RP1L1: variants seen among roughly 807,000 people sequenced by gnomAD.
RP1L1 encodes the protein retinitis pigmentosa 1-like 1 protein.
A neutral mutation model predicts 15.7 loss-of-function variants in RP1L1; 27 were observed. The observed-to-expected ratio is 1.72, with a 90% confidence interval of 1.27 to 2.38. The LOEUF (loss-of-function observed/expected upper bound fraction) is 2.38. Among genes scored for constraint, RP1L1 ranks in the 30% most tolerant of loss-of-function variants. The pLI is 0.00. For missense variants in RP1L1, 4,798 were observed against 3,075.9 expected, an observed-to-expected ratio of 1.56 and a Z score of -13.24; for synonymous variants, 1,813 against 1,276.7, an observed-to-expected ratio of 1.42 and a Z score of -8.96.
chr8:10,613,874 T>C (rs1015912844), intron 3 of RP1L1, among the ~76,000 whole-genome samples: 1 of 152,168 alleles, frequency 6.6e-6, no homozygotes, highest in Non-Finnish European at 1.5e-5. Flanking sequence ...GAACTGGCAT[T>C]GTCTAACAAG....
At chr8:10,617,966 C>T (rs1797998070) in intron 2 of RP1L1, among the ~76,000 whole-genome samples, 1 of 152,184 alleles carries the variant, frequency 6.6e-6, no homozygotes, top group African/African-American at 2.4e-5. Flanking sequence ...GACCTCGTCT[C>T]ATTTGTCTGT....
Position 10,611,396 on chromosome 8 carries a change from G to C in RP1L1, c.2702C>G (p.Pro901Arg), listed in dbSNP as rs569496838. 1.2e-6 allele frequency: 2 copies of C among 1,603,482 alleles called. No homozygotes were observed. Among genetic ancestry groups the C allele is most frequent in the African/African-American group, 2.7e-5 (2 of 74,884 alleles). ...GTRQPGPTPS[P>R]GPNSGASRRS... ...CCTTGATGCCCCTGAATTGGGGCCTGGGGACGGCGTGGGGCCTGGCTGGCG... is the reference window on the plus strand; with the variant it reads ...CCTTGATGCCCCTGAATTGGGGCCTCGGGACGGCGTGGGGCCTGGCTGGCG... The change falls in exon 4 of 4, where the codon CCA becomes CGA. Residue 901 changes from proline (P) to arginine (R), a missense_variant. Physicochemically the swap from Pro to Arg is moderately radical, Grantham distance 103. Transcript: ENST00000382483.
intron 1 of RP1L1, among the ~76,000 whole-genome samples, chr8:10,631,342 CACGCACACACAT>C (rs746066518): frequency 0.021 from 1,414 of 68,436 alleles, 57 homozygotes; most frequent in East Asian, 0.12. Flanking sequence ...CATGCACACA[CACGCACACACAT>C]GCACACAAAC....
At chr8:10,646,491 G>A (rs1398943325) in intron 1 of RP1L1, among the ~76,000 whole-genome samples, 3 of 152,162 alleles carry the variant, frequency 2.0e-5, no homozygotes, top group Non-Finnish European at 4.4e-5. Flanking sequence ...AGAGGATGGA[G>A]CCAGAGAAAA....
chr8:10,654,545 C>G (rs1282787246), intron 1 of RP1L1, among the ~76,000 whole-genome samples: 1 of 152,134 alleles, frequency 6.6e-6, no homozygotes, highest in Non-Finnish European at 1.5e-5. Context: ...CCAAGAGCCC[C>G]AAGAAATCCT....
Position 10,610,448 on chromosome 8 carries a change from C to G in RP1L1, c.3650G>C (p.Cys1217Ser), listed in dbSNP as rs752610114. 1 of 1,613,836 alleles carries G rather than the reference C, an allele frequency of 6.2e-7. No homozygotes were observed. ...SGGSGESSVP[C>S]AMDGTLVTQG... ...TGTCACCAGGGTGCCGTCCATGGCA[C>G]AGGGTACGCTACTCTCCCCTGAGCC... The change falls in exon 4 of 4, where the codon TGT becomes TCT. Residue 1217 changes from cysteine to serine, a missense_variant. Cys to Ser is a moderately radical substitution (Grantham distance 112, BLOSUM62 -1). Transcript: ENST00000382483.
At chr8:10,632,559 C>T (rs1486399430) in intron 1 of RP1L1, among the ~76,000 whole-genome samples, 3 of 152,230 alleles carry the variant, frequency 2.0e-5, no homozygotes, top group Non-Finnish European at 4.4e-5. Context: ...CTCTCATTCT[C>T]CTGCCAACTC....
At chr8:10,629,744 C>A (rs907041588) in intron 1 of RP1L1, among the ~76,000 whole-genome samples, 1 of 152,110 alleles carries the variant, frequency 6.6e-6, no homozygotes, top group East Asian at 1.9e-4. Flanking sequence ...CACCCATGTC[C>A]CCAGCTCCTC....
At chr8:10,638,757 G>A (rs961088795) in intron 1 of RP1L1, among the ~76,000 whole-genome samples, 1 of 152,132 alleles carries the variant, frequency 6.6e-6, no homozygotes, top group Non-Finnish European at 1.5e-5. Context: ...CCAGACGGAG[G>A]GACACAGATA....
intron 1 of RP1L1, among the ~76,000 whole-genome samples, chr8:10,646,816 G>T (rs1010844388): frequency 1.3e-5 from 2 of 152,222 alleles, no homozygotes; most frequent in East Asian, 3.8e-4. Flanking sequence ...ACTGCTTTCC[G>T]CGGAGAGGCT....
At chr8:10,652,210 C>T (rs955883567) in intron 1 of RP1L1, among the ~76,000 whole-genome samples, 7 of 152,178 alleles carry the variant, frequency 4.6e-5, no homozygotes, top group African/African-American at 1.7e-4. Flanking sequence ...CATGACTCCA[C>T]TATAAATAAA....
intron 1 of RP1L1, among the ~76,000 whole-genome samples, chr8:10,642,915 T>C (rs914146115): frequency 6.6e-6 from 1 of 152,168 alleles, no homozygotes; most frequent in East Asian, 1.9e-4. Flanking sequence ...GCTAAGATCA[T>C]AAGATGATTT....
intron 2 of RP1L1, among the ~76,000 whole-genome samples, chr8:10,618,385 G>A (rs1050224336): frequency 2.6e-5 from 4 of 152,186 alleles, no homozygotes; most frequent in African/African-American, 7.2e-5. Flanking sequence ...GTAGACGCCT[G>A]TAATCCTAGC....
In RP1L1 at chr8:10,655,082, T is replaced by G. The variant is rs1798619178; in HGVS notation, c.-204A>C. 1 of 152,760 alleles carries G rather than the reference T, an allele frequency of 6.5e-6. No individual in the cohort carries two copies. Among genetic ancestry groups the G allele is most frequent in the Admixed American group, 6.5e-5 (1 of 15,284 alleles). The allele number at this position is 152,760 out of a possible 1,614,324, so 9.5% of individuals were successfully genotyped here. A position where few individuals can be genotyped will look rare whatever the true frequency, so the allele number is the denominator to read the frequency against. ...GGCCACTCTCCTTGGCCTGAGAGCC[T>G]GAGGCCCCAGTCCCTTGGGCAGGAG... is the stretch of plus-strand genomic sequence containing the variant. On this transcript the variant is annotated 5_prime_UTR_variant, in exon 1 of 4. Coordinates refer to ENST00000382483, the MANE Select transcript of RP1L1 (RefSeq NM_178857.6).
chr8:10,619,150 G>A lies in RP1L1; in HGVS notation c.610-2563C>T, dbSNP rs550097346. ...CTCCCAAAGTGCTGGGATTACAGGT[G>A]TGAGCCACCATGACTGGCCCAGTAC... is the stretch of plus-strand genomic sequence containing the variant. On this transcript the variant is annotated intron_variant, in intron 2 of 3. Coordinates refer to ENST00000382483, the MANE Select transcript of RP1L1 (RefSeq NM_178857.6). 9.8e-5 allele frequency among the ~76,000 whole-genome samples: 15 copies of A among 152,296 alleles called. No homozygotes were observed. In the East Asian group the frequency reaches 2.7e-3, roughly 27 times the overall value.
intron 1 of RP1L1, among the ~76,000 whole-genome samples, chr8:10,637,529 T>G (rs1798347549): frequency 6.6e-6 from 1 of 152,270 alleles, no homozygotes; most frequent in South Asian, 2.1e-4. Context: ...GAGGATCACT[T>G]GAGCCCAGCA....
chr8:10,633,177 G>A (rs1352693562), intron 1 of RP1L1, among the ~76,000 whole-genome samples: 2 of 152,212 alleles, frequency 1.3e-5, no homozygotes, highest in African/African-American at 4.8e-5. Flanking sequence ...AGCTAGAGCT[G>A]CACAGCAGCT....
chr8:10,632,313 C>G (rs1235565918), intron 1 of RP1L1, among the ~76,000 whole-genome samples: 3 of 152,202 alleles, frequency 2.0e-5, no homozygotes, highest in Non-Finnish European at 4.4e-5. Flanking sequence ...CGTTCTAGAA[C>G]ATTTTTCCTC....
chr8:10,609,533 A>C lies in RP1L1; in HGVS notation c.4565T>G (p.Leu1522Ter). ...LDCDPIWVSV[L>*]LKKTEKAFLA... ...GAAGGCCTTCTCCGTCTTCTTCAGT[A>C]ACACGGACACCCAGATGGGGTCGCA... is the stretch of plus-strand genomic sequence containing the variant. Residue 1522 changes from leucine (L) to a stop codon, truncating the protein, a stop_gained, in exon 4 of 4, where the codon TTA becomes TGA. Transcript: ENST00000382483. LOFTEE classifies it low-confidence loss of function (END_TRUNC). 6.2e-7 allele frequency: 1 copy of C among 1,607,346 alleles called. No individual in the cohort carries two copies. Among genetic ancestry groups the C allele is most frequent in the East Asian group, 2.2e-5 (1 of 44,784 alleles).
Sources: gnomAD v4.1 joint callset for allele counts (sites outside exome capture counted in the v4.1 genomes callset) on GRCh38, gnomAD v4.1.1 for gene constraint, MANE v1.5 for transcripts, NCBI Gene and HGNC (gene_info 2026-07-23, HGNC 2026-07-21) for gene names.